Variants in NAALADL2 observed in about 807,000 individuals in gnomAD.
The protein encoded by NAALADL2 is inactive N-acetylated-alpha-linked acidic dipeptidase-like protein 2.
A neutral mutation model predicts 87.2 loss-of-function variants in NAALADL2; 76 were observed. That is an observed-to-expected ratio of 0.87 (90% CI 0.72 to 1.05). The LOEUF (loss-of-function observed/expected upper bound fraction) is 1.05. NAALADL2 is among the 50% of genes least tolerant of loss of function. The pLI is 0.00. For missense variants in NAALADL2, 1,089 were observed against 945.8 expected (o/e 1.15, Z -1.99); for synonymous variants, 354 against 331.0 (o/e 1.07, Z -0.75).
Position 175,535,228 on chromosome 3 carries a change from C to G in NAALADL2, c.1654-40813C>G, listed in dbSNP as rs79333882. On this transcript the variant is annotated intron_variant, in intron 9 of 13. Transcript: ENST00000454872. ...CTGTCTTAGGTTACAAAAGCAGAGA[C>G]CTTGAATGAGCATAAGTGAAAACAT... Among the ~76,000 whole-genome samples the G allele has an allele frequency of 3.2e-4, 48 of 152,212 alleles. No homozygotes were observed. In the East Asian group the frequency reaches 8.3e-3, roughly 26 times the overall value.
At chr3:175,069,600 G>A (rs1715208825) in intron 1 of NAALADL2, among the ~76,000 whole-genome samples, 1 of 150,882 alleles carries the variant, frequency 6.6e-6, no homozygotes, top group South Asian at 2.1e-4. Flanking sequence ...GGAAGTCAGT[G>A]TGGCGATTCC....
At chr3:174,844,835 GTTTT>G (rs781333758) in intron 3 of NAALADL2, among the ~76,000 whole-genome samples, 5 of 35,458 alleles carry the variant, frequency 1.4e-4, no homozygotes, top group African/African-American at 3.8e-4. Context: ...AGTTCTAATG[GTTTT>G]TTTTTTTTTT....
In NAALADL2 at chr3:175,096,614, C is replaced by A. The variant is rs556651661; in HGVS notation, c.44-176C>A. Among the ~76,000 whole-genome samples, 12 of 151,534 alleles carry A rather than the reference C, an allele frequency of 7.9e-5. No homozygotes were observed. In the South Asian group the frequency reaches 2.5e-3, roughly 32 times the overall value. On this transcript the variant is annotated intron_variant, in intron 1 of 13. Transcript: ENST00000454872. ...CTTTTGTCTTCCTTTCCTATGGTAA[C>A]ATCAACAGAAAATTATAAGATTAAT...
At chr3:175,732,147 C>T (rs1479840889) in intron 11 of NAALADL2, among the ~76,000 whole-genome samples, 1 of 152,082 alleles carries the variant, frequency 6.6e-6, no homozygotes, top group Non-Finnish European at 1.5e-5. Context: ...GATCACTCTG[C>T]TGGTGTAGGG....
chr3:175,670,808 A>T (rs1733900667), intron 11 of NAALADL2, among the ~76,000 whole-genome samples: 1 of 151,256 alleles, frequency 6.6e-6, no homozygotes, highest in Admixed American at 6.6e-5. Context: ...TTTAAAGTAC[A>T]TCATTCATGA....
At chr3:175,386,414 C>A (rs1251663147) in intron 5 of NAALADL2, among the ~76,000 whole-genome samples, 1 of 151,846 alleles carries the variant, frequency 6.6e-6, no homozygotes, top group East Asian at 1.9e-4. Context: ...AATCCAGAGT[C>A]CTGATCTGTT....
At chr3:174,619,476 A>T (rs934836468) in intron 2 of NAALADL2, among the ~76,000 whole-genome samples, 2 of 151,954 alleles carry the variant, frequency 1.3e-5, no homozygotes, top group African/African-American at 4.8e-5. Flanking sequence ...GGAACTGATA[A>T]TGGAAATACT....
intron 1 of NAALADL2, among the ~76,000 whole-genome samples, chr3:175,076,616 C>G (rs2109196301): frequency 6.6e-6 from 1 of 152,204 alleles, no homozygotes; most frequent in South Asian, 2.1e-4. Context: ...CTTACCTCAT[C>G]TTTCTAAAAG....
At chr3:175,131,389 C>CA (rs1200160786) in intron 2 of NAALADL2, among the ~76,000 whole-genome samples, 2 of 152,076 alleles carry the variant, frequency 1.3e-5, no homozygotes, top group Non-Finnish European at 2.9e-5. Flanking sequence ...ATCTGTTTAA[C>CA]AAAGCACATC....
intron 2 of NAALADL2, among the ~76,000 whole-genome samples, chr3:175,122,906 T>C (rs1022089919): frequency 2.0e-5 from 3 of 151,896 alleles, no homozygotes; most frequent in Non-Finnish European, 4.4e-5. Context: ...TCTTGCTTCA[T>C]TATTTTATAT....
chr3:174,687,089 C>G (rs565113955), intron 2 of NAALADL2, among the ~76,000 whole-genome samples: 10 of 152,198 alleles, frequency 6.6e-5, no homozygotes, highest in African/African-American at 2.2e-4. Flanking sequence ...AATGCCTGTA[C>G]AATGGAATAG....
chr3:175,218,214 C>A, intron 2 of NAALADL2: 2 of 338,418 alleles, frequency 5.9e-6, no homozygotes, highest in South Asian at 2.3e-5. Context: ...TGTAAATTCC[C>A]AAGAGGAGAT....
intron 2 of NAALADL2, among the ~76,000 whole-genome samples, chr3:174,680,021 T>G (rs912491821): frequency 2.0e-5 from 3 of 152,100 alleles, no homozygotes; most frequent in Non-Finnish European, 4.4e-5. Context: ...TGGTATTGTG[T>G]TTTTCTTAAT....
intron 1 of NAALADL2, among the ~76,000 whole-genome samples, chr3:174,992,549 A>AG (rs1746878992): frequency 6.6e-6 from 1 of 152,108 alleles, no homozygotes; most frequent in South Asian, 2.1e-4. Flanking sequence ...ATTTTAGCAG[A>AG]AATAGAATTT....
At chr3:174,575,558 T>C (rs1442008854) in intron 2 of NAALADL2, among the ~76,000 whole-genome samples, 1 of 152,214 alleles carries the variant, frequency 6.6e-6, no homozygotes, top group African/African-American at 2.4e-5. Context: ...TCAAGAGATA[T>C]GTAAATTGGT....
chr3:175,678,125 T>G (rs57354521), intron 11 of NAALADL2, among the ~76,000 whole-genome samples: 11,054 of 152,266 alleles, frequency 0.073, 1,333 homozygotes, highest in African/African-American at 0.25. Flanking sequence ...GGTTAAGTTT[T>G]CTTTTTTGTT....
At chr3:175,407,520 T>A (rs557639294) in intron 5 of NAALADL2, among the ~76,000 whole-genome samples, 1 of 152,300 alleles carries the variant, frequency 6.6e-6, no homozygotes, top group African/African-American at 2.4e-5. Flanking sequence ...TCCCTACTAC[T>A]ACCCAGGGAA....
intron 5 of NAALADL2, among the ~76,000 whole-genome samples, chr3:175,410,076 A>T (rs376627501): frequency 3.9e-4 from 60 of 152,242 alleles, no homozygotes; most frequent in Middle Eastern, 3.4e-3. Flanking sequence ...CTAAATTAAA[A>T]TCTCATTTTG....
chr3:175,023,558 T>C (rs1179649559), intron 1 of NAALADL2, among the ~76,000 whole-genome samples: 1 of 152,090 alleles, frequency 6.6e-6, no homozygotes, highest in Admixed American at 6.6e-5. Flanking sequence ...CAACTTCTCA[T>C]GGTTTCGAGG....
Sources: allele counts gnomAD v4.1 joint callset (sites outside exome capture counted in the v4.1 genomes callset), GRCh38; gene constraint gnomAD v4.1.1; transcripts MANE v1.5; gene names NCBI Gene and HGNC (gene_info 2026-07-23, HGNC 2026-07-21).